Variants in CCDC171 observed in about 807,000 individuals in gnomAD.
CCDC171 encodes the protein coiled-coil domain containing 171.
A neutral mutation model predicts 168.2 loss-of-function variants in CCDC171; 177 were observed. The ratio of observed to expected loss-of-function variants is 1.05; its 90% CI spans 0.93 to 1.19. The LOEUF (loss-of-function observed/expected upper bound fraction) is 1.19, where lower values mean the gene tolerates loss of function less well. CCDC171 is among the 50% of genes most tolerant of loss of function. The pLI, the probability that CCDC171 is intolerant of heterozygous loss-of-function variation, is 0.00. For missense variants in CCDC171, 1,991 were observed against 1,539.0 expected (o/e 1.29, Z -4.91); for synonymous variants, 687 against 540.8 (o/e 1.27, Z -3.75).
At chr9:16,044,150 G>T (rs1833616279) in intron 1 of CCDC171, among the ~76,000 whole-genome samples, 1 of 152,218 alleles carries the variant, frequency 6.6e-6, no homozygotes, top group Non-Finnish European at 1.5e-5. Context: ...TTTTCAAAGA[G>T]AAATATGCTT....
chr9:15,685,225 C>A (rs1319173648), intron 10 of CCDC171, among the ~76,000 whole-genome samples: 1 of 152,110 alleles, frequency 6.6e-6, no homozygotes, highest in South Asian at 2.1e-4. Flanking sequence ...ACTTTGTTTT[C>A]AGCTCAACAG....
rs1822842540 is a variant in CCDC171 at position 15,907,357 on chromosome 9, A to G, written c.3601-12913A>G. Among the ~76,000 whole-genome samples the G allele has an allele frequency of 2.0e-5, 3 of 152,344 alleles. No homozygotes were observed. The South Asian group carries it at 6.2e-4, about 32-fold the overall frequency. ...AGAGCCCTCAGAAATAATGCTGCAT[A>G]TCTACAACCATCTGATCTTTGACAA... On this transcript the variant is annotated intron_variant, in intron 24 of 25. Transcript: ENST00000380701.
chr9:16,099,978 C>A, the CCDC171 span, among the ~76,000 whole-genome samples: 1 of 150,658 alleles, frequency 6.6e-6, no homozygotes, highest in South Asian at 2.1e-4. Flanking sequence ...GAGAAACCAA[C>A]GCTGTATGGA....
At chr9:16,048,279 G>A (rs1001895848) in intron 1 of CCDC171, among the ~76,000 whole-genome samples, 1 of 151,354 alleles carries the variant, frequency 6.6e-6, no homozygotes, top group Non-Finnish European at 1.5e-5. Flanking sequence ...TCTTAGTTGT[G>A]TACAGATGGC....
chr9:15,706,216 T>TCTTCCTTCCTTC (rs148383501), intron 11 of CCDC171, among the ~76,000 whole-genome samples: 18 of 149,320 alleles, frequency 1.2e-4, no homozygotes, highest in Non-Finnish European at 1.8e-4. Flanking sequence ...ACCCATGTAG[T>TCTTCCTTCCTTC]CTTCCTTCCT....
chr9:15,603,276 A>C (rs2042993697), intron 6 of CCDC171, among the ~76,000 whole-genome samples: 1 of 152,250 alleles, frequency 6.6e-6, no homozygotes, highest in East Asian at 1.9e-4. Flanking sequence ...GTTTTTGGGT[A>C]CATATGCAGG....
chr9:15,791,903 A>G (rs147487777), intron 21 of CCDC171, among the ~76,000 whole-genome samples: 7,414 of 152,258 alleles, frequency 0.049, 738 homozygotes, highest in East Asian at 0.4. Context: ...TGAAAATTCT[A>G]AAAATCAGAG....
intron 4 of CCDC171, among the ~76,000 whole-genome samples, chr9:15,589,161 T>A (rs547002054): frequency 6.6e-6 from 1 of 152,312 alleles, no homozygotes; most frequent in African/African-American, 2.4e-5. Flanking sequence ...CTTCTTGGCT[T>A]CCAGGAGGAG....
At chr9:15,951,574 A>T (rs2132478228) in intron 25 of CCDC171, among the ~76,000 whole-genome samples, 1 of 151,954 alleles carries the variant, frequency 6.6e-6, no homozygotes, top group East Asian at 1.9e-4. Flanking sequence ...TCTAATGGGT[A>T]GGAGGTAGTA....
the CCDC171 span, among the ~76,000 whole-genome samples, chr9:16,102,792 G>A: frequency 1.3e-5 from 2 of 152,188 alleles, no homozygotes; most frequent in Non-Finnish European, 1.5e-5. Flanking sequence ...TAGGTGTCAG[G>A]CAGTCAGCAT....
intron 24 of CCDC171, among the ~76,000 whole-genome samples, chr9:15,905,408 G>T (rs1450390629): frequency 6.6e-6 from 1 of 152,130 alleles, no homozygotes; most frequent in Non-Finnish European, 1.5e-5. Flanking sequence ...TGAACAACCT[G>T]CTCCTGAATG....
intron 6 of CCDC171, among the ~76,000 whole-genome samples, chr9:15,618,586 C>G (rs1367413567): frequency 6.6e-6 from 1 of 152,186 alleles, no homozygotes; most frequent in African/African-American, 2.4e-5. Context: ...ACTCCTGCAG[C>G]TTGGTGTCTG....
At chr9:15,575,321 G>A (rs529143784) in intron 3 of CCDC171, among the ~76,000 whole-genome samples, 13 of 151,998 alleles carry the variant, frequency 8.6e-5, no homozygotes, top group Non-Finnish European at 1.8e-4. Flanking sequence ...AGGCACGCAC[G>A]TGCCACCATG....
At chr9:16,079,323 T>G in the CCDC171 span, among the ~76,000 whole-genome samples, 364 of 152,332 alleles carry the variant, frequency 2.4e-3, 3 homozygotes, top group Middle Eastern at 6.8e-3. Context: ...ACATAGAATG[T>G]GACCTTATTT....
At chr9:16,069,948 A>G in the CCDC171 span, among the ~76,000 whole-genome samples, 1 of 152,166 alleles carries the variant, frequency 6.6e-6, no homozygotes, top group Non-Finnish European at 1.5e-5. Flanking sequence ...TAGCAGGGGC[A>G]GGAAATCCAT....
chr9:15,711,988 G>A (rs980278048), intron 11 of CCDC171, among the ~76,000 whole-genome samples: 1 of 152,204 alleles, frequency 6.6e-6, no homozygotes, highest in African/African-American at 2.4e-5. Flanking sequence ...CGGGAGAGCT[G>A]TATGGTTCTA....
chr9:15,723,085 A>T (rs2053588977), intron 12 of CCDC171, among the ~76,000 whole-genome samples: 1 of 152,112 alleles, frequency 6.6e-6, no homozygotes, highest in Admixed American at 6.5e-5. Context: ...CAGTGGGGAG[A>T]CCAAGGGGGT....
At chr9:16,054,929 C>T (rs998532323) in intron 1 of CCDC171, among the ~76,000 whole-genome samples, 1 of 152,162 alleles carries the variant, frequency 6.6e-6, no homozygotes, top group African/African-American at 2.4e-5. Context: ...GGTGGAACTA[C>T]CTTGGTGAGA....
chr9:15,656,317 G>A (rs200735553), intron 7 of CCDC171, among the ~76,000 whole-genome samples: 12 of 145,040 alleles, frequency 8.3e-5, no homozygotes, highest in Non-Finnish European at 1.3e-4. Flanking sequence ...GCGAGACTCC[G>A]TCTCAAAAAA....
Sources: gnomAD v4.1 joint callset for allele counts (sites outside exome capture counted in the v4.1 genomes callset) on GRCh38, gnomAD v4.1.1 for gene constraint, MANE v1.5 for transcripts, NCBI Gene and HGNC (gene_info 2026-07-23, HGNC 2026-07-21) for gene names.